The following PCLO variants were observed in gnomAD, a reference collection of about 807,000 sequenced individuals.
The protein encoded by PCLO is piccolo presynaptic cytomatrix protein, also known as protein piccolo.
Under a neutral mutation model 427.5 loss-of-function variants are expected in PCLO, and 82 were observed. The ratio of observed to expected loss-of-function variants is 0.19; its 90% CI spans 0.16 to 0.23. PCLO has a LOEUF of 0.23. Ranked by LOEUF, PCLO falls within the 10% of genes least tolerant of loss-of-function variation. PCLO has a pLI of 1.00. For missense variants in PCLO, 6,239 were observed against 6,115.9 expected (o/e 1.02, Z -0.67); for synonymous variants, 2,357 against 2,155.4 (o/e 1.09, Z -2.59).
intron 10 of PCLO, among the ~76,000 whole-genome samples, chr7:82,865,565 G>C (rs1008222499): frequency 3.3e-5 from 5 of 151,508 alleles, no homozygotes; most frequent in African/African-American, 1.2e-4. Flanking sequence ...AAAATATATG[G>C]ATTTATTGTG....
intron 3 of PCLO, among the ~76,000 whole-genome samples, chr7:83,112,715 A>G (rs967669708): frequency 6.6e-6 from 1 of 152,192 alleles, no homozygotes; most frequent in Non-Finnish European, 1.5e-5. Flanking sequence ...CCTTCCTTTC[A>G]TACATAAAGA....
At chr7:83,030,125 A>G (rs1364885015) in intron 3 of PCLO, among the ~76,000 whole-genome samples, 3 of 144,598 alleles carry the variant, frequency 2.1e-5, no homozygotes, top group African/African-American at 7.3e-5. Context: ...AAAAGAAAAA[A>G]AAAAAAAAAG....
chr7:83,162,478 C>T lies in PCLO; in HGVS notation c.115G>A (p.Ala39Thr). 6.3e-7 allele frequency: 1 copy of T among 1,581,404 alleles called. No homozygotes were observed. The highest frequency in any genetic ancestry group is 8.6e-7 in the Non-Finnish European group (1 of 1,163,574). ...AGSPSHTAIP[A>T]GMEADLSQLS... ...TGGCTCAAATCCGCCTCCATGCCGG[C>T]CGGGATCGCGGTGTGAGAGGGGCTC... The change falls in exon 1 of 25, where the codon GCC becomes ACC. Residue 39 changes from alanine (A) to threonine (T), a missense_variant. Coordinates refer to ENST00000333891, the MANE Select transcript of PCLO (RefSeq NM_033026.6).
chr7:82,816,358 C>A (rs1791678900), intron 20 of PCLO, among the ~76,000 whole-genome samples: 1 of 151,976 alleles, frequency 6.6e-6, no homozygotes, highest in African/African-American at 2.4e-5. Flanking sequence ...ATCCTCCTAT[C>A]CAAGTGAGAA....
At chr7:82,978,187 T>C (rs892140381) in intron 3 of PCLO, among the ~76,000 whole-genome samples, 3 of 147,556 alleles carry the variant, frequency 2.0e-5, no homozygotes, top group African/African-American at 7.4e-5. Flanking sequence ...GCAAAAACTC[T>C]GTATGAAACT....
chr7:82,846,449 T>G, intron 12 of PCLO, 118 bp downstream of exon 12: 1 of 650,276 alleles, frequency 1.5e-6, no homozygotes, highest in Non-Finnish European at 2.6e-6. Context: ...TCCATAACTT[T>G]ATATTTGTCT....
At chr7:82,942,006 C>T (rs1482580025) in intron 6 of PCLO, among the ~76,000 whole-genome samples, 1 of 152,110 alleles carries the variant, frequency 6.6e-6, no homozygotes, top group Non-Finnish European at 1.5e-5. Flanking sequence ...TGGTGAAACC[C>T]TATCTCTACT....
intron 3 of PCLO, among the ~76,000 whole-genome samples, chr7:83,061,497 C>T (rs1286144629): frequency 6.6e-6 from 1 of 152,118 alleles, no homozygotes; most frequent in Non-Finnish European, 1.5e-5. Flanking sequence ...GACAACACAT[C>T]TTATTCACAA....
At chr7:83,006,491 G>A (rs1029624735) in intron 3 of PCLO, among the ~76,000 whole-genome samples, 1 of 151,452 alleles carries the variant, frequency 6.6e-6, no homozygotes, top group African/African-American at 2.4e-5. Context: ...AACATTTACA[G>A]TTCCTTTCTC....
intron 3 of PCLO, among the ~76,000 whole-genome samples, chr7:83,027,141 C>A (rs1354650822): frequency 1.6e-5 from 2 of 126,792 alleles, no homozygotes; most frequent in Admixed American, 1.6e-4. Context: ...CACAAAAAAC[C>A]CTTCAAAAAA....
Position 82,953,973 on chromosome 7 carries a change from T to C in PCLO, c.6980A>G (p.Glu2327Gly). 1.2e-6 allele frequency: 2 copies of C among 1,613,934 alleles called. No homozygotes were observed. Among genetic ancestry groups the C allele is most frequent in the Non-Finnish European group, 1.7e-6 (2 of 1,179,856 alleles). The change falls in exon 5 of 25, where the codon GAG (glutamate) becomes GGG (glycine). Residue 2327 changes from glutamate (E) to glycine (G), a missense_variant. This residue lies in a region of PCLO where 4,677 missense variants were observed against 4,468.4 expected (regional missense o/e 1.05). Coordinates refer to ENST00000333891, the MANE Select transcript of PCLO (RefSeq NM_033026.6). ...TAAGCTACTTTTTGTTCGTTCGGCC[T>C]CCAACTCCTTTTTATCTCTGTAAGC... ...LEAYRDKKEL[E>G]AERTKSSLSE...
intron 22 of PCLO, among the ~76,000 whole-genome samples, chr7:82,768,315 C>T (rs995828812): frequency 5.9e-5 from 9 of 151,314 alleles, no homozygotes; most frequent in Non-Finnish European, 1.2e-4. Flanking sequence ...CCCAGCTCCT[C>T]GGGAGACTGA....
intron 3 of PCLO, among the ~76,000 whole-genome samples, chr7:83,014,931 C>T (rs988807096): frequency 6.6e-6 from 1 of 152,054 alleles, no homozygotes; most frequent in African/African-American, 2.4e-5. Flanking sequence ...TAGTAGGGAA[C>T]ACTTTTTGAG....
chr7:83,059,026 A>G (rs1407361865), intron 3 of PCLO, among the ~76,000 whole-genome samples: 1 of 151,856 alleles, frequency 6.6e-6, no homozygotes, highest in Admixed American at 6.6e-5. Flanking sequence ...TCCTTCTTAC[A>G]TTTATTCTTG....
At chr7:82,977,323 CTTTT>C (rs998292929) in intron 3 of PCLO, among the ~76,000 whole-genome samples, 1 of 149,140 alleles carries the variant, frequency 6.7e-6, no homozygotes, top group Non-Finnish European at 1.5e-5. Flanking sequence ...TAGTTCTGTG[CTTTT>C]TTTTTCCTTT....
intron 9 of PCLO, among the ~76,000 whole-genome samples, chr7:82,902,358 C>T (rs1344553093): frequency 1.3e-5 from 2 of 151,382 alleles, no homozygotes; most frequent in East Asian, 3.9e-4. Context: ...TTCTCACTCA[C>T]AGATGGGAAT....
intron 2 of PCLO, among the ~76,000 whole-genome samples, chr7:83,149,594 C>A (rs1243212845): frequency 1.3e-5 from 2 of 152,120 alleles, no homozygotes; most frequent in Non-Finnish European, 2.9e-5. Context: ...AAGAGAACAT[C>A]CTCTTTTCTA....
intron 22 of PCLO, among the ~76,000 whole-genome samples, chr7:82,798,885 C>T (rs934428177): frequency 2.6e-5 from 4 of 152,062 alleles, no homozygotes; most frequent in Non-Finnish European, 4.4e-5. Context: ...CATCCTCAAC[C>T]CCCGCCCCTC....
chr7:83,162,874 GA>G lies in PCLO; in HGVS notation c.-283del, dbSNP rs1792487071. 2.1e-6 allele frequency: 1 copy of G among 485,612 alleles called. No homozygotes were observed. Among genetic ancestry groups the G allele is most frequent in the Admixed American group, 4.0e-5 (1 of 24,938 alleles). 30.1% of individuals were successfully genotyped at this position (485,612 alleles called of 1,614,324 possible). A position where few individuals can be genotyped will look rare whatever the true frequency, so the allele number is the denominator to read the frequency against. ...CCGCCTCGGCGCCCCGAGCCGGGGA[GA>G]AGCAGATCTGAGCGGTGCCAGCCGG... is the stretch of plus-strand genomic sequence containing the variant. On this transcript the variant is annotated 5_prime_UTR_variant, in exon 1 of 25. Transcript: ENST00000333891.
Sources: gnomAD v4.1 joint callset for allele counts (sites outside exome capture counted in the v4.1 genomes callset) on GRCh38, gnomAD v4.1.1 for gene constraint, gnomAD v4.1.1 regional missense constraint, MANE v1.5 for transcripts, NCBI Gene and HGNC (gene_info 2026-07-23, HGNC 2026-07-21) for gene names.